ADGRE3: variants seen among roughly 807,000 people sequenced by gnomAD.
ADGRE3 encodes the protein EGF-like module receptor 3.
ADGRE3 carries 88 observed loss-of-function variants against 80.1 expected under a neutral mutation model. The ratio of observed to expected loss-of-function variants is 1.10; its 90% CI spans 0.93 to 1.31. The LOEUF is 1.31. Among genes scored for constraint, ADGRE3 ranks in the 40% most tolerant of loss-of-function variants. The probability of loss-of-function intolerance (pLI) is 0.00; values close to 1 mark genes in which losing one functional copy is unlikely to be tolerated. For missense variants in ADGRE3, 715 were observed against 776.5 expected, an observed-to-expected ratio of 0.92 and a Z score of 0.94; for synonymous variants, 281 against 294.8, an observed-to-expected ratio of 0.95 and a Z score of 0.48.
chr19:14,628,672 G>A, intron 14 of ADGRE3: 1 of 379,720 alleles, frequency 2.6e-6, no homozygotes, highest in Non-Finnish European at 5.2e-6. Context: ...GCTGTTCCAT[G>A]GTTTGAGATG....
intron 10 of ADGRE3, among the ~76,000 whole-genome samples, chr19:14,640,244 C>T (rs1294640684): frequency 6.6e-6 from 1 of 152,146 alleles, no homozygotes; most frequent in Non-Finnish European, 1.5e-5. Flanking sequence ...CTTCCTTCTA[C>T]CCTCCTACCC....
At chr19:14,632,851 G>A (rs1027101142) in intron 13 of ADGRE3, 70 bp downstream of exon 13, 33 of 983,078 alleles carry the variant, frequency 3.4e-5, no homozygotes, top group African/African-American at 1.6e-4. Context: ...TTGAATGTAC[G>A]TGTGTATGGA....
At chr19:14,630,572 C>T (rs1970853982) in intron 13 of ADGRE3, among the ~76,000 whole-genome samples, 1 of 151,878 alleles carries the variant, frequency 6.6e-6, no homozygotes, top group African/African-American at 2.4e-5. Flanking sequence ...ACCATCATGC[C>T]CTGCTAATTT....
intron 15 of ADGRE3, among the ~76,000 whole-genome samples, chr19:14,620,033 A>G (rs1157553293): frequency 6.6e-6 from 1 of 152,154 alleles, no homozygotes; most frequent in Non-Finnish European, 1.5e-5. Context: ...TTTCCCATCT[A>G]GATGCAATTT....
At chr19:14,660,937 CTTTTTTTTTTTTT>C (rs35730102) in intron 4 of ADGRE3, among the ~76,000 whole-genome samples, 2 of 83,482 alleles carry the variant, frequency 2.4e-5, no homozygotes, top group South Asian at 4.7e-4. Flanking sequence ...GTCATATTTC[CTTTTTTTTTTTTT>C]TTTTTTTTTG....
chr19:14,660,229 C>T (rs1971905852), intron 4 of ADGRE3, among the ~76,000 whole-genome samples: 1 of 152,164 alleles, frequency 6.6e-6, no homozygotes, highest in Non-Finnish European at 1.5e-5. Context: ...AAGGCATTTT[C>T]CTTTTTTGTA....
chr19:14,657,915 C>T (rs1051097058), intron 5 of ADGRE3, among the ~76,000 whole-genome samples: 4 of 151,986 alleles, frequency 2.6e-5, no homozygotes, highest in African/African-American at 9.7e-5. Context: ...AGGCATGTGC[C>T]ATCATACCTG....
intron 7 of ADGRE3, among the ~76,000 whole-genome samples, chr19:14,647,574 G>A (rs1396071946): frequency 6.6e-6 from 1 of 151,458 alleles, no homozygotes; most frequent in African/African-American, 2.4e-5. Context: ...TCACCACCAT[G>A]CCTGGCTAAT....
the ADGRE3 span, among the ~76,000 whole-genome samples, chr19:14,603,947 T>C: frequency 6.6e-6 from 1 of 152,158 alleles, no homozygotes; most frequent in East Asian, 1.9e-4. Flanking sequence ...TAAAGAGTCT[T>C]CTGGTTTTCT....
intron 14 of ADGRE3, 86 bp from the exon 15 acceptor site, chr19:14,625,685 A>G (rs986844951): frequency 1.5e-5 from 11 of 744,230 alleles, no homozygotes; most frequent in Non-Finnish European, 2.4e-5. Context: ...GAGGATAGAG[A>G]TGTATTATTA....
Position 14,625,615 on chromosome 19 carries a change from A to T in ADGRE3, c.1813-16T>A. 6.5e-7 allele frequency: 1 copy of T among 1,540,686 alleles called. No homozygotes were observed. Among genetic ancestry groups the T allele is most frequent in the Admixed American group, 1.7e-5 (1 of 59,718 alleles). ...GTTTCTGGACCTGGAACATCAAAGG[A>T]AATACCTGGATGGGTTTTGCTAACA... On this transcript the variant is annotated splice_polypyrimidine_tract_variant and intron_variant, in intron 14 of 15. Transcript: ENST00000253673.
chr19:14,621,693 C>T lies in ADGRE3; in HGVS notation c.1921-2222G>A. 2.9e-6 allele frequency: 3 copies of T among 1,036,994 alleles called. 1 individual carries two copies. Among genetic ancestry groups the T allele is most frequent in the Non-Finnish European group, 4.0e-6 (3 of 744,242 alleles). 64.2% of individuals were successfully genotyped at this position (1,036,994 alleles called of 1,614,324 possible). On this transcript the variant is annotated intron_variant, in intron 15 of 15. Coordinates refer to ENST00000253673, the MANE Select transcript of ADGRE3 (RefSeq NM_032571.5). Reference sequence around the variant, plus strand: ...ACGGCACTCTTATAAATAGGATTTTCACCCGTGTCCCATTTGGCATTCATT... The same window carrying T: ...ACGGCACTCTTATAAATAGGATTTTTACCCGTGTCCCATTTGGCATTCATT...
At position 14,662,118 on chromosome 19, in the gene ADGRE3, T is replaced by A; in HGVS notation, c.200A>T (p.Asp67Val). The change falls in exon 4 of 16, where the codon GAC becomes GTC. Residue 67 changes from aspartate (D) to valine (V), a missense_variant and splice_region_variant. Asp to Val is a radical substitution (Grantham distance 152). Coordinates refer to ENST00000253673, the MANE Select transcript of ADGRE3 (RefSeq NM_032571.5). ...LFTFPLETCN[D>V]INECTPPYSV... Reference sequence around the variant, plus strand: ...ATAGGGTGGTGTACATTCATTAATGTCTGGAACACAAAGAAGCAATTGGGT... The same window carrying A: ...ATAGGGTGGTGTACATTCATTAATGACTGGAACACAAAGAAGCAATTGGGT... The A allele has an allele frequency of 6.2e-7, 1 of 1,613,820 alleles. No homozygotes were observed. The highest frequency in any genetic ancestry group is 8.5e-7 in the Non-Finnish European group (1 of 1,179,830).
chr19:14,615,541 G>A (rs1373811185), downstream of ADGRE3, among the ~76,000 whole-genome samples: 1 of 151,754 alleles, frequency 6.6e-6, no homozygotes, highest in Non-Finnish European at 1.5e-5. Flanking sequence ...CAGGTGGATC[G>A]CTTGAGGCCA....
At chr19:14,665,947 T>C (rs199769089) in intron 2 of ADGRE3, among the ~76,000 whole-genome samples, 575 of 24,226 alleles carry the variant, frequency 0.024, 44 homozygotes, top group East Asian at 0.045. Flanking sequence ...TATATATATA[T>C]ATATATATAT....
chr19:14,625,423 C>G (rs746586234), intron 15 of ADGRE3, 69 bp downstream of exon 15: 89 of 1,033,772 alleles, frequency 8.6e-5, no homozygotes, highest in Admixed American at 4.5e-4. Context: ...AAATCCCAAA[C>G]TAGAGGAAGT....
At position 14,663,524 on chromosome 19, in the gene ADGRE3, G is replaced by A; in HGVS notation, c.93C>T (p.Cys31=). The change falls in exon 3 of 16, where the codon TGC becomes TGT. Residue 31 remains cysteine, a synonymous_variant. Coordinates refer to ENST00000253673, the MANE Select transcript of ADGRE3 (RefSeq NM_032571.5). The part of the protein sequence containing the change: ...TQKTKTSCAK[C]PPNASCVNNT... ...TATTGACACAGGAAGCATTTGGGGGGCACTTAGCACAGGAAGCTGCAGGGA... is the reference window on the plus strand; with the variant it reads ...TATTGACACAGGAAGCATTTGGGGGACACTTAGCACAGGAAGCTGCAGGGA... The A allele has an allele frequency of 6.2e-7, 1 of 1,612,930 alleles. No individual in the cohort carries two copies. Among genetic ancestry groups the A allele is most frequent in the Non-Finnish European group, 8.5e-7 (1 of 1,179,224 alleles).
Position 14,636,231 on chromosome 19 carries a change from C to CT in ADGRE3, c.1484+1873dup, listed in dbSNP as rs1208244821. Among the ~76,000 whole-genome samples the CT allele has an allele frequency of 2.6e-4, 28 of 107,144 alleles. 1 individual carries two copies. Among genetic ancestry groups the CT allele is most frequent in the African/African-American group, 7.5e-4 (21 of 27,934 alleles). The allele number at this position is 107,144 out of a possible 152,430, so 70.3% of individuals were successfully genotyped here. On this transcript the variant is annotated intron_variant, in intron 11 of 15. Transcript: ENST00000253673. ...TTCTTTTCTTTTTTCTTTCCTTTTT[C>CT]TTTTTTTTTTCAGAGTCTCACTCTG... is the stretch of plus-strand genomic sequence containing the variant.
At chr19:14,634,896 C>A (rs1970995748) in intron 11 of ADGRE3, among the ~76,000 whole-genome samples, 1 of 152,094 alleles carries the variant, frequency 6.6e-6, no homozygotes, top group African/African-American at 2.4e-5. Flanking sequence ...AACTCCATAA[C>A]AATACGAGCC....
Sources: gnomAD v4.1 joint callset for allele counts (sites outside exome capture counted in the v4.1 genomes callset) on GRCh38, gnomAD v4.1.1 for gene constraint, MANE v1.5 for transcripts, NCBI Gene and HGNC (gene_info 2026-07-23, HGNC 2026-07-21) for gene names.